GABBR2: variants seen among roughly 807,000 people sequenced by gnomAD.
GABBR2 encodes G-protein coupled receptor 51.
In GABBR2, 23 loss-of-function variants were observed where a neutral mutation model predicts 105.6. That is an observed-to-expected ratio of 0.22 (90% CI 0.16 to 0.31). The LOEUF (loss-of-function observed/expected upper bound fraction) is 0.31, where lower values mean the gene tolerates loss of function less well. GABBR2 is among the 10% of genes least tolerant of loss of function. The probability of loss-of-function intolerance (pLI) is 1.00; values close to 1 mark genes in which losing one functional copy is unlikely to be tolerated. For missense variants in GABBR2, 734 were observed against 1,245.5 expected, an observed-to-expected ratio of 0.59 and a Z score of 6.18; for synonymous variants, 478 against 499.7, an observed-to-expected ratio of 0.96 and a Z score of 0.58.
intron 7 of GABBR2, among the ~76,000 whole-genome samples, chr9:98,440,352 A>G (rs1009115868): frequency 5.9e-5 from 9 of 152,236 alleles, no homozygotes; most frequent in African/African-American, 2.2e-4. Context: ...AACTGAGATG[A>G]AGAGAGATTG....
intron 2 of GABBR2, among the ~76,000 whole-genome samples, chr9:98,558,595 C>T (rs927363732): frequency 2.0e-5 from 3 of 152,178 alleles, no homozygotes; most frequent in African/African-American, 4.8e-5. Context: ...ATTGCCTGCT[C>T]AGAATCTAAA....
intron 1 of GABBR2, among the ~76,000 whole-genome samples, chr9:98,703,450 C>T (rs1425394004): frequency 6.6e-6 from 1 of 152,184 alleles, no homozygotes; most frequent in African/African-American, 2.4e-5. Context: ...AGATGTAAAC[C>T]TGAACCTGAA....
chr9:98,328,748 TG>T (rs543662276), intron 13 of GABBR2, among the ~76,000 whole-genome samples: 414 of 152,288 alleles, frequency 2.7e-3, no homozygotes, highest in South Asian at 5.0e-3. Flanking sequence ...CCAATGAGGC[TG>T]GGGCCAGAAC....
intron 16 of GABBR2, among the ~76,000 whole-genome samples, chr9:98,301,260 A>G (rs1264008435): frequency 6.6e-6 from 1 of 152,164 alleles, no homozygotes; most frequent in African/African-American, 2.4e-5. Flanking sequence ...TTGGGGACTG[A>G]GCCCTCAACC....
At chr9:98,364,654 T>A (rs1368409340) in intron 12 of GABBR2, among the ~76,000 whole-genome samples, 1 of 147,156 alleles carries the variant, frequency 6.8e-6, no homozygotes, top group Non-Finnish European at 1.5e-5. Flanking sequence ...TGGAATGCAA[T>A]GGTGCAATTT....
At chr9:98,391,800 G>A (rs756621486) in intron 9 of GABBR2, among the ~76,000 whole-genome samples, 16 of 152,124 alleles carry the variant, frequency 1.1e-4, no homozygotes, top group Non-Finnish European at 1.8e-4. Context: ...TCAGAGTGAG[G>A]TCCCCTCGCT....
chr9:98,331,476 G>A (rs907831707), intron 13 of GABBR2, among the ~76,000 whole-genome samples: 1 of 143,914 alleles, frequency 6.9e-6, no homozygotes, highest in African/African-American at 2.6e-5. Context: ...TTTCCACAGG[G>A]CCCCGGGCGG....
intron 17 of GABBR2, among the ~76,000 whole-genome samples, chr9:98,298,450 G>A (rs907657193): frequency 2.0e-5 from 3 of 152,176 alleles, no homozygotes; most frequent in African/African-American, 7.2e-5. Context: ...CAAGGGGCAG[G>A]TTCCTGCTAG....
chr9:98,625,330 G>A (rs1431523904), intron 1 of GABBR2, among the ~76,000 whole-genome samples: 1 of 152,176 alleles, frequency 6.6e-6, no homozygotes, highest in Non-Finnish European at 1.5e-5. Flanking sequence ...GGACCATCCA[G>A]GAGACACCAC....
intron 1 of GABBR2, among the ~76,000 whole-genome samples, chr9:98,638,666 A>AT (rs1829914881): frequency 6.6e-6 from 1 of 152,158 alleles, no homozygotes. Context: ...AACAAGTTTT[A>AT]TTGAGAGTCT....
intron 1 of GABBR2, among the ~76,000 whole-genome samples, chr9:98,684,205 G>C (rs1830592982): frequency 9.9e-6 from 1 of 100,908 alleles, no homozygotes; most frequent in Non-Finnish European, 2.0e-5. Flanking sequence ...ATTGGTTGTG[G>C]GGGGTGGGAC....
chr9:98,304,935 C>CT (rs953616886), intron 15 of GABBR2, among the ~76,000 whole-genome samples: 48 of 97,842 alleles, frequency 4.9e-4, no homozygotes, highest in South Asian at 2.5e-3. Flanking sequence ...CCACACCTGG[C>CT]TTTTTTTTTG....
chr9:98,480,574 C>A (rs1350244167), intron 5 of GABBR2, among the ~76,000 whole-genome samples: 1 of 152,194 alleles, frequency 6.6e-6, no homozygotes, highest in East Asian at 1.9e-4. Context: ...GATAATTTGT[C>A]CCTAACCTAA....
chr9:98,599,618 G>A lies in GABBR2; in HGVS notation c.322-21546C>T, dbSNP rs553305667. ...GCTGAGGGGGCCACCTCTGTCCTAC[G>A]GAGCATGTGGCCCCAGGCCCCTCAG... On this transcript the variant is annotated intron_variant, in intron 1 of 18. Coordinates refer to ENST00000259455, the MANE Select transcript of GABBR2 (RefSeq NM_005458.8). Among the ~76,000 whole-genome samples, 22 of 152,338 alleles carry A rather than the reference G, an allele frequency of 1.4e-4. 1 individual carries two copies. The South Asian group carries it at 4.1e-3, about 29-fold the overall frequency.
chr9:98,392,747 G>A (rs1832203901), intron 9 of GABBR2, among the ~76,000 whole-genome samples: 1 of 152,170 alleles, frequency 6.6e-6, no homozygotes, highest in South Asian at 2.1e-4. Flanking sequence ...CAATATGGAT[G>A]TGGCAGCTTT....
intron 13 of GABBR2, among the ~76,000 whole-genome samples, chr9:98,319,612 C>G (rs1048243717): frequency 6.6e-6 from 1 of 152,008 alleles, no homozygotes. Context: ...GCACAGAACC[C>G]CTGGACCCCG....
At chr9:98,559,975 A>AC in intron 2 of GABBR2, among the ~76,000 whole-genome samples, 1 of 150,366 alleles carries the variant, frequency 6.7e-6, no homozygotes, top group South Asian at 2.1e-4. Flanking sequence ...ATGAGGAACA[A>AC]ACACACACAC....
chr9:98,692,047 G>C (rs977897339), intron 1 of GABBR2, among the ~76,000 whole-genome samples: 1 of 152,172 alleles, frequency 6.6e-6, no homozygotes, highest in African/African-American at 2.4e-5. Context: ...CTGTGAAGCA[G>C]GTACTATTAT....
chr9:98,386,162 G>C (rs901636114), intron 10 of GABBR2, among the ~76,000 whole-genome samples: 1 of 150,950 alleles, frequency 6.6e-6, no homozygotes, highest in East Asian at 1.9e-4. Flanking sequence ...TGTCACATCA[G>C]CTTCTTCATC....
Sources: allele counts gnomAD v4.1 joint callset (sites outside exome capture counted in the v4.1 genomes callset), GRCh38; gene constraint gnomAD v4.1.1; transcripts MANE v1.5; gene names NCBI Gene and HGNC (gene_info 2026-07-23, HGNC 2026-07-21).